The following NBEA variants were observed in gnomAD, a reference collection of about 807,000 sequenced individuals.
The protein encoded by NBEA is lysosomal-trafficking regulator 2.
In NBEA, 44 loss-of-function variants were observed where a neutral mutation model predicts 343.4. That is an observed-to-expected ratio of 0.13 (90% CI 0.10 to 0.16). NBEA has a LOEUF of 0.16. Ranked by LOEUF, NBEA falls within the 10% of genes least tolerant of loss-of-function variation. NBEA has a pLI of 1.00. For synonymous variants in NBEA, 1,175 were observed against 1,238.7 expected (o/e 0.95, Z 1.08); for missense variants, 2,555 against 3,631.3 (o/e 0.70, Z 7.62).
At chr13:35,380,467 A>G (rs1294415281) in intron 38 of NBEA, among the ~76,000 whole-genome samples, 1 of 151,966 alleles carries the variant, frequency 6.6e-6, no homozygotes, top group African/African-American at 2.4e-5. Flanking sequence ...AATAATAATA[A>G]TAATAATTTG....
intron 38 of NBEA, among the ~76,000 whole-genome samples, chr13:35,356,121 T>C (rs1204985842): frequency 6.6e-6 from 1 of 152,088 alleles, no homozygotes; most frequent in African/African-American, 2.4e-5. Context: ...TGTATGCCCT[T>C]TTTTCAGTAA....
intron 10 of NBEA, among the ~76,000 whole-genome samples, chr13:35,071,814 CTAA>C (rs1480265532): frequency 1.3e-5 from 2 of 151,948 alleles, no homozygotes; most frequent in African/African-American, 4.8e-5. Context: ...TTTAGTATTT[CTAA>C]TAATATTATT....
intron 38 of NBEA, among the ~76,000 whole-genome samples, chr13:35,411,892 C>T (rs1408930582): frequency 6.6e-6 from 1 of 151,942 alleles, no homozygotes; most frequent in Non-Finnish European, 1.5e-5. Flanking sequence ...TAATTCTTCC[C>T]ATGTTTTTTT....
chr13:35,138,986 G>A (rs2067907707), intron 17 of NBEA, among the ~76,000 whole-genome samples: 1 of 151,442 alleles, frequency 6.6e-6, no homozygotes, highest in South Asian at 2.1e-4. Context: ...AAGAATTATG[G>A]GGTTTCTTTT....
intron 41 of NBEA, among the ~76,000 whole-genome samples, chr13:35,542,510 A>T (rs928899254): frequency 1.3e-5 from 2 of 152,126 alleles, no homozygotes; most frequent in African/African-American, 4.8e-5. Context: ...TATTTTGATG[A>T]TAGTATTCAT....
chr13:35,136,835 G>A (rs2067758423), intron 17 of NBEA, among the ~76,000 whole-genome samples: 1 of 152,184 alleles, frequency 6.6e-6, no homozygotes, highest in South Asian at 2.1e-4. Flanking sequence ...AGTCAATTGA[G>A]AGCTGAGTCA....
rs546497660 is a variant in NBEA at position 35,038,596 on chromosome 13, C to G, written c.295-2337C>G. ...TAGCACATGATGAATGCTGCCTAGACTGGGTCCTTTCCTTCAAGGCAGTGG... is the reference window on the plus strand; with the variant it reads ...TAGCACATGATGAATGCTGCCTAGAGTGGGTCCTTTCCTTCAAGGCAGTGG... On this transcript the variant is annotated intron_variant, in intron 1 of 58. Coordinates refer to ENST00000379939, the MANE Select transcript of NBEA (RefSeq NM_001385012.1). 1.5e-4 allele frequency among the ~76,000 whole-genome samples: 23 copies of G among 152,246 alleles called. 1 individual carries two copies. The East Asian group carries it at 4.5e-3, about 30-fold the overall frequency.
intron 28 of NBEA, among the ~76,000 whole-genome samples, chr13:35,180,976 C>A (rs2071276259): frequency 6.6e-6 from 1 of 151,818 alleles, no homozygotes; most frequent in Non-Finnish European, 1.5e-5. Context: ...CCAGTCCCAT[C>A]CAGGTTGCTG....
At chr13:35,465,811 G>A (rs1374495106) in intron 40 of NBEA, among the ~76,000 whole-genome samples, 1 of 149,576 alleles carries the variant, frequency 6.7e-6, no homozygotes, top group Non-Finnish European at 1.5e-5. Context: ...TGCCTTTGCA[G>A]AAAATGCAGC....
chr13:35,208,666 T>C (rs747996348), intron 31 of NBEA, 34 bp from the exon 32 acceptor site: 1 of 1,513,172 alleles, frequency 6.6e-7, no homozygotes, highest in South Asian at 1.3e-5. Flanking sequence ...TTCAACCTCA[T>C]GTTTGTTATT....
rs2070166379 is a variant in NBEA at position 35,167,940 on chromosome 13, T to G, written c.4234-1047T>G. Among the ~76,000 whole-genome samples, 2 of 151,832 alleles carry G rather than the reference T, an allele frequency of 1.3e-5. 1 individual carries two copies. The highest frequency in any genetic ancestry group is 4.8e-5 in the African/African-American group (2 of 41,420). ...TTAATTCAGGGCTTAATTTTCTCTG[T>G]CCCAGAAAAATAGTAGAGACTGACA... On this transcript the variant is annotated intron_variant, in intron 24 of 58. Coordinates refer to ENST00000379939, the MANE Select transcript of NBEA (RefSeq NM_001385012.1).
chr13:34,957,071 G>A (rs1229677709), intron 1 of NBEA, among the ~76,000 whole-genome samples: 6 of 151,358 alleles, frequency 4.0e-5, no homozygotes, highest in South Asian at 4.2e-4. Flanking sequence ...ACATACATAT[G>A]TATAAACACA....
At chr13:35,054,423 A>C (rs918379089) in intron 6 of NBEA, among the ~76,000 whole-genome samples, 1 of 152,048 alleles carries the variant, frequency 6.6e-6, no homozygotes, top group Non-Finnish European at 1.5e-5. Flanking sequence ...TTCTGATTTT[A>C]ATCAGGGCTA....
intron 36 of NBEA, among the ~76,000 whole-genome samples, chr13:35,310,714 T>C (rs1434306668): frequency 6.6e-6 from 1 of 152,216 alleles, no homozygotes; most frequent in Non-Finnish European, 1.5e-5. Flanking sequence ...TTGTATGATA[T>C]AGTGCATTCT....
At position 35,614,411 on chromosome 13, in the gene NBEA, A is replaced by G. The variant is rs535445969; in HGVS notation, c.7449+7833A>G. On this transcript the variant is annotated intron_variant, in intron 48 of 58. Transcript: ENST00000379939. ...TACTTTCTTCTTCAGGTTGTCAGCT[A>G]TCAGTACAGTTCCCTTTAATAGCCC... Among the ~76,000 whole-genome samples, 184 of 152,302 alleles carry G rather than the reference A, an allele frequency of 1.2e-3. 1 individual carries two copies. The highest frequency in any genetic ancestry group is 1.2e-3 in the Non-Finnish European group (80 of 68,024).
intron 38 of NBEA, among the ~76,000 whole-genome samples, chr13:35,423,348 A>G (rs1414225932): frequency 6.6e-6 from 1 of 152,200 alleles, no homozygotes; most frequent in Non-Finnish European, 1.5e-5. Context: ...GAAGGGATCC[A>G]GTTTCAGCTT....
intron 41 of NBEA, among the ~76,000 whole-genome samples, chr13:35,550,118 G>C (rs1313020089): frequency 6.6e-6 from 1 of 152,116 alleles, no homozygotes; most frequent in Admixed American, 6.6e-5. Flanking sequence ...GGGTAGCTGG[G>C]CTTCCATTAA....
intron 35 of NBEA, among the ~76,000 whole-genome samples, chr13:35,292,679 T>C (rs1357640103): frequency 1.3e-5 from 2 of 152,032 alleles, no homozygotes; most frequent in Non-Finnish European, 2.9e-5. Flanking sequence ...ATAAAAATAG[T>C]TGAAAATCTG....
At chr13:35,168,168 C>T (rs997078486) in intron 24 of NBEA, among the ~76,000 whole-genome samples, 1 of 151,592 alleles carries the variant, frequency 6.6e-6, no homozygotes, top group Non-Finnish European at 1.5e-5. Flanking sequence ...TTACTATTCT[C>T]AGGATGCTTT....
Sources: gnomAD v4.1 joint callset for allele counts (sites outside exome capture counted in the v4.1 genomes callset) on GRCh38, gnomAD v4.1.1 for gene constraint, MANE v1.5 for transcripts, NCBI Gene and HGNC (gene_info 2026-07-23, HGNC 2026-07-21) for gene names.